NIN: variants seen among roughly 807,000 people sequenced by gnomAD.
NIN encodes glycogen synthase kinase 3 beta-interacting protein.
Under a neutral mutation model 257.6 loss-of-function variants are expected in NIN, and 137 were observed. The observed-to-expected ratio is 0.53, with a 90% confidence interval of 0.46 to 0.61. The LOEUF (loss-of-function observed/expected upper bound fraction) is 0.61, where lower values mean the gene tolerates loss of function less well. Ranked by LOEUF, NIN falls within the 20% of genes least tolerant of loss-of-function variation. The probability of loss-of-function intolerance (pLI) is 0.00; values close to 1 mark genes in which losing one functional copy is unlikely to be tolerated. For missense variants in NIN, 2,439 were observed against 2,501.2 expected, an observed-to-expected ratio of 0.98 and a Z score of 0.53; for synonymous variants, 918 against 919.8, an observed-to-expected ratio of 1.00 and a Z score of 0.04.
Position 50,757,759 on chromosome 14 carries a change from A to G in NIN, c.3271T>C (p.Leu1091=). Residue 1091 remains leucine (L), a synonymous_variant, in exon 18 of 31, where the codon TTG becomes CTG. Coordinates refer to ENST00000530997, the MANE Select transcript of NIN (RefSeq NM_020921.4). ...TCTAACTTTTGTAGCCTCTGTTGCA[A>G]TCTAGAAATTTCAGTAGCCATTTTC... is the stretch of plus-strand genomic sequence containing the variant. ...NVKMATEISR[L]QQRLQKLEPG... 1 of 1,614,198 alleles carries G rather than the reference A, an allele frequency of 6.2e-7. No homozygotes were observed. The highest frequency in any genetic ancestry group is 1.7e-5 in the Admixed American group (1 of 60,024).
At position 50,723,268 on chromosome 14, in the gene NIN, TTAAG is replaced by T; in HGVS notation, c.*191_*194del. On this transcript the variant is annotated 3_prime_UTR_variant, in exon 31 of 31. Transcript: ENST00000530997. ...AATAAATTCAAATCTTGGGAATAAT[TTAAG>T]TAGTGAAATATGTGAGTATTTATTT... 2.2e-6 allele frequency: 1 copy of T among 446,008 alleles called. No homozygotes were observed. The highest frequency in any genetic ancestry group is 3.9e-6 in the Non-Finnish European group (1 of 254,310). 27.6% of individuals were successfully genotyped at this position (446,008 alleles called of 1,614,324 possible). A position where few individuals can be genotyped will look rare whatever the true frequency, so the allele number is the denominator to read the frequency against.
At chr14:50,809,395 G>C (rs2044479557) in intron 3 of NIN, among the ~76,000 whole-genome samples, 1 of 152,158 alleles carries the variant, frequency 6.6e-6, no homozygotes, top group Non-Finnish European at 1.5e-5. Flanking sequence ...GATCCAGTTT[G>C]CTATATTTAG....
chr14:50,759,029 CATAA>C (rs2042158317), intron 17 of NIN, among the ~76,000 whole-genome samples: 1 of 152,214 alleles, frequency 6.6e-6, no homozygotes, highest in Admixed American at 6.5e-5. Flanking sequence ...ATATCAGTCA[CATAA>C]ATGACACATA....
In NIN at chr14:50,765,326, A is replaced by G. The variant is rs187081462; in HGVS notation, c.1635+981T>C. On this transcript the variant is annotated intron_variant, in intron 14 of 30. Coordinates refer to ENST00000530997, the MANE Select transcript of NIN (RefSeq NM_020921.4). ...TTTTACTGATGAATTCATTAAATGT[A>G]AAGACATTTAGAAAATACCTCTATT... Among the ~76,000 whole-genome samples, 28 of 152,248 alleles carry G rather than the reference A, an allele frequency of 1.8e-4. No individual in the cohort carries two copies. In the East Asian group the frequency reaches 5.4e-3, roughly 29 times the overall value.
intron 21 of NIN, among the ~76,000 whole-genome samples, chr14:50,749,876 A>G (rs2140668891): frequency 6.6e-6 from 1 of 152,112 alleles, no homozygotes; most frequent in Non-Finnish European, 1.5e-5. Flanking sequence ...TATTTTTTGT[A>G]GAGATGGGGT....
intron 3 of NIN, among the ~76,000 whole-genome samples, chr14:50,809,250 A>G (rs774899046): frequency 6.6e-6 from 1 of 152,154 alleles, no homozygotes; most frequent in Non-Finnish European, 1.5e-5. Flanking sequence ...AATCAGGGTC[A>G]TATTTTCAAG....
intron 4 of NIN, among the ~76,000 whole-genome samples, chr14:50,798,435 C>G (rs1363604007): frequency 2.0e-5 from 3 of 152,128 alleles, no homozygotes; most frequent in Admixed American, 1.3e-4. Context: ...GGTGCCTAAG[C>G]TGGTGGATGA....
At position 50,730,242 on chromosome 14, in the gene NIN, T is replaced by C. The variant is rs529322859; in HGVS notation, c.5878-519A>G. On this transcript the variant is annotated intron_variant, in intron 28 of 30. Transcript: ENST00000530997. Reference sequence around the variant, plus strand: ...CCTTTAGTTTATCAATATGTAATTATACCCTTAGATTAAACAGCACAAGAC... The same window carrying C: ...CCTTTAGTTTATCAATATGTAATTACACCCTTAGATTAAACAGCACAAGAC... 1.9e-4 allele frequency among the ~76,000 whole-genome samples: 29 copies of C among 152,318 alleles called. No homozygotes were observed. The South Asian group carries it at 5.8e-3, about 30-fold the overall frequency.
At chr14:50,732,382 C>T (rs1341827490) in intron 28 of NIN, among the ~76,000 whole-genome samples, 2 of 152,206 alleles carry the variant, frequency 1.3e-5, no homozygotes, top group Non-Finnish European at 2.9e-5. Context: ...TGAGCTGGGA[C>T]ACACTGTGCA....
chr14:50,749,559 A>G (rs1386851956), intron 21 of NIN, among the ~76,000 whole-genome samples: 3 of 152,146 alleles, frequency 2.0e-5, no homozygotes, highest in African/African-American at 4.8e-5. Flanking sequence ...TTTGTCTACA[A>G]CTATTATTAC....
chr14:50,793,487 G>T (rs1283815557), intron 4 of NIN, among the ~76,000 whole-genome samples: 1 of 152,036 alleles, frequency 6.6e-6, no homozygotes, highest in Non-Finnish European at 1.5e-5. Context: ...AGATCTCATT[G>T]TAAAATTAAA....
chr14:50,806,107 A>T (rs2044314532), intron 4 of NIN: 1 of 152,258 alleles, frequency 6.6e-6, no homozygotes, highest in Admixed American at 6.5e-5. Context: ...TTTTAGAGAT[A>T]CATGAAATAA....
At chr14:50,747,358 CAT>C (rs2041592758) in intron 22 of NIN, among the ~76,000 whole-genome samples, 1 of 152,190 alleles carries the variant, frequency 6.6e-6, no homozygotes, top group Non-Finnish European at 1.5e-5. Flanking sequence ...TTTAGACAAA[CAT>C]ATGTTACTTT....
At chr14:50,741,827 G>C in intron 24 of NIN, 99 bp from the exon 25 acceptor site, 1 of 1,363,160 alleles carries the variant, frequency 7.3e-7, no homozygotes, top group East Asian at 2.3e-5. Flanking sequence ...TTTCAAGTCT[G>C]TTTGTTTCTC....
chr14:50,735,977 T>C (rs1316628476), intron 27 of NIN, among the ~76,000 whole-genome samples: 1 of 152,218 alleles, frequency 6.6e-6, no homozygotes, highest in Non-Finnish European at 1.5e-5. Flanking sequence ...TTTTGTAGTA[T>C]ATTAATAAAA....
chr14:50,740,434 G>C (rs1461286069), intron 25 of NIN, among the ~76,000 whole-genome samples: 1 of 151,590 alleles, frequency 6.6e-6, no homozygotes, highest in Non-Finnish European at 1.5e-5. Context: ...CTGCAACCTA[G>C]CCCTCCCGGG....
At chr14:50,818,336 A>C (rs2045030972) in intron 3 of NIN, among the ~76,000 whole-genome samples, 1 of 151,824 alleles carries the variant, frequency 6.6e-6, no homozygotes, top group Non-Finnish European at 1.5e-5. Flanking sequence ...AAAAAAAAAA[A>C]AAACACTGGA....
At chr14:50,807,043 G>T (rs1185316088) in intron 3 of NIN, among the ~76,000 whole-genome samples, 1 of 151,826 alleles carries the variant, frequency 6.6e-6, no homozygotes, top group African/African-American at 2.4e-5. Context: ...TCACCCCAAA[G>T]GAAAAAAGCT....
chr14:50,723,930 A>G (rs1392277849), intron 30 of NIN: 4 of 387,332 alleles, frequency 1.0e-5, no homozygotes, highest in East Asian at 9.1e-5. Context: ...ATTAGATGGC[A>G]CCAAAAGTTT....
Sources: gnomAD v4.1 joint callset for allele counts (sites outside exome capture counted in the v4.1 genomes callset) on GRCh38, gnomAD v4.1.1 for gene constraint, MANE v1.5 for transcripts, NCBI Gene and HGNC (gene_info 2026-07-23, HGNC 2026-07-21) for gene names.